The following PIK3C2G variants were observed in gnomAD, a reference collection of about 807,000 sequenced individuals.
PIK3C2G encodes phosphatidylinositol 3-kinase C2 domain-containing subunit gamma.
A neutral mutation model predicts 181.1 loss-of-function variants in PIK3C2G; 168 were observed. The observed-to-expected ratio is 0.93, with a 90% CI of 0.82 to 1.05. PIK3C2G has a LOEUF of 1.05. Ranked by LOEUF, PIK3C2G falls within the 50% of genes least tolerant of loss-of-function variation. PIK3C2G has a pLI of 0.00. For missense variants in PIK3C2G, 1,869 were observed against 1,732.8 expected (o/e 1.08, Z -1.40); for synonymous variants, 573 against 592.2 (o/e 0.97, Z 0.47).
chr12:18,589,537 CA>C (rs1464820997), intron 29 of PIK3C2G, among the ~76,000 whole-genome samples: 1 of 151,812 alleles, frequency 6.6e-6, no homozygotes, highest in Non-Finnish European at 1.5e-5. Flanking sequence ...GCAGTATAGT[CA>C]GTAGACATGC....
At chr12:18,581,557 T>C (rs1946501795) in intron 29 of PIK3C2G, among the ~76,000 whole-genome samples, 1 of 152,236 alleles carries the variant, frequency 6.6e-6, no homozygotes, top group African/African-American at 2.4e-5. Context: ...CTAATGTGCC[T>C]TTATGGACTG....
intron 14 of PIK3C2G, among the ~76,000 whole-genome samples, chr12:18,385,649 ACCT>A (rs1943119359): frequency 6.6e-6 from 1 of 151,658 alleles, no homozygotes; most frequent in South Asian, 2.1e-4. Flanking sequence ...GCTCACTGCA[ACCT>A]CCTCCTCCCA....
intron 18 of PIK3C2G, among the ~76,000 whole-genome samples, chr12:18,425,382 A>ATTTTT (rs1448480782): frequency 6.4e-4 from 61 of 95,868 alleles, no homozygotes; most frequent in Admixed American, 2.0e-3. Flanking sequence ...AAGGACAGAC[A>ATTTTT]TTTCTTTTTT....
intron 31 of PIK3C2G, among the ~76,000 whole-genome samples, chr12:18,612,398 G>A (rs1948387154): frequency 6.6e-6 from 1 of 151,914 alleles, no homozygotes. Flanking sequence ...CCTCCCCTGT[G>A]CCACTGCTAT....
chr12:18,551,168 A>C (rs866775186), intron 26 of PIK3C2G, among the ~76,000 whole-genome samples: 2 of 152,082 alleles, frequency 1.3e-5, no homozygotes, highest in Middle Eastern at 3.4e-3. Context: ...TGTTTCCCTT[A>C]CTCTCTTTCA....
chr12:18,577,710 T>C (rs1366154949), intron 29 of PIK3C2G, among the ~76,000 whole-genome samples: 1 of 152,142 alleles, frequency 6.6e-6, no homozygotes, highest in Non-Finnish European at 1.5e-5. Flanking sequence ...TATAATAGCT[T>C]CTCCCAAGGT....
At chr12:18,504,114 C>T (rs1009539323) in intron 23 of PIK3C2G, among the ~76,000 whole-genome samples, 9 of 152,124 alleles carry the variant, frequency 5.9e-5, no homozygotes, top group Non-Finnish European at 1.0e-4. Context: ...ATCCTGTGCA[C>T]TGAAATCCCC....
At chr12:18,264,647 G>A (rs1948401695) in intron 1 of PIK3C2G, among the ~76,000 whole-genome samples, 1 of 151,876 alleles carries the variant, frequency 6.6e-6, no homozygotes, top group African/African-American at 2.4e-5. Context: ...TCTTTGAATA[G>A]GAGTAATTTT....
intron 24 of PIK3C2G, among the ~76,000 whole-genome samples, chr12:18,534,850 A>G (rs2136229623): frequency 6.6e-6 from 1 of 152,096 alleles, no homozygotes; most frequent in Non-Finnish European, 1.5e-5. Flanking sequence ...TATGAATAAA[A>G]GGTACAGAAG....
intron 15 of PIK3C2G, among the ~76,000 whole-genome samples, chr12:18,399,079 CA>C (rs1944071536): frequency 6.7e-6 from 1 of 149,372 alleles, no homozygotes; most frequent in Admixed American, 6.7e-5. Flanking sequence ...CCTGTAGTCC[CA>C]GCTACTTGGG....
intron 26 of PIK3C2G, among the ~76,000 whole-genome samples, chr12:18,547,282 A>C (rs761555279): frequency 1.3e-5 from 2 of 152,008 alleles, no homozygotes; most frequent in Non-Finnish European, 1.5e-5. Flanking sequence ...AATATACAGC[A>C]AGAAATTGCT....
At chr12:18,351,226 A>T (rs931757555) in intron 11 of PIK3C2G, among the ~76,000 whole-genome samples, 10 of 152,180 alleles carry the variant, frequency 6.6e-5, no homozygotes, top group African/African-American at 2.4e-4. Context: ...ACTTAAAGGT[A>T]ATAAAAATAT....
intron 1 of PIK3C2G, among the ~76,000 whole-genome samples, chr12:18,280,800 T>C (rs993601642): frequency 8.6e-5 from 13 of 151,996 alleles, no homozygotes; most frequent in Non-Finnish European, 1.9e-4. Flanking sequence ...CCAGAGTCAA[T>C]ACAATATTTC....
intron 11 of PIK3C2G, among the ~76,000 whole-genome samples, chr12:18,352,477 G>A (rs1483512158): frequency 6.6e-6 from 1 of 152,144 alleles, no homozygotes; most frequent in Non-Finnish European, 1.5e-5. Flanking sequence ...GGCAGGAGTA[G>A]AACTCTGTGT....
At chr12:18,318,815 C>T (rs1291515207) in intron 6 of PIK3C2G, among the ~76,000 whole-genome samples, 2 of 150,720 alleles carry the variant, frequency 1.3e-5, no homozygotes, top group Non-Finnish European at 3.0e-5. Flanking sequence ...AAAAAGCAGG[C>T]CAGGAGCAGT....
intron 30 of PIK3C2G, among the ~76,000 whole-genome samples, chr12:18,605,850 G>A (rs755084627): frequency 9.9e-5 from 15 of 151,976 alleles, no homozygotes; most frequent in East Asian, 1.9e-4. Context: ...TAAACCAGGC[G>A]CTTATAAACA....
chr12:18,653,673 T>G, the PIK3C2G span, among the ~76,000 whole-genome samples: 2 of 152,146 alleles, frequency 1.3e-5, no homozygotes, highest in Non-Finnish European at 2.9e-5. Flanking sequence ...TTTATATACT[T>G]AAGTCACCTC....
intron 1 of PIK3C2G, among the ~76,000 whole-genome samples, chr12:18,272,200 T>C (rs1033368528): frequency 6.6e-6 from 1 of 152,210 alleles, no homozygotes; most frequent in Non-Finnish European, 1.5e-5. Flanking sequence ...TTTATTTTTT[T>C]CTAGAAATTT....
chr12:18,344,790 T>A (rs924711947), intron 10 of PIK3C2G, among the ~76,000 whole-genome samples: 14 of 152,134 alleles, frequency 9.2e-5, no homozygotes, highest in African/African-American at 3.4e-4. Flanking sequence ...TTAGGTGCGA[T>A]AAACACTTTT....
Sources: gnomAD v4.1 joint callset for allele counts (sites outside exome capture counted in the v4.1 genomes callset) on GRCh38, gnomAD v4.1.1 for gene constraint, MANE v1.5 for transcripts, NCBI Gene and HGNC (gene_info 2026-07-23, HGNC 2026-07-21) for gene names.